SLC16A7: variants seen among roughly 807,000 people sequenced by gnomAD.
SLC16A7 encodes solute carrier family 16 member 7, also known as monocarboxylate transporter 2.
SLC16A7 carries 33 observed loss-of-function variants against 34.9 expected under a neutral mutation model. That is an observed-to-expected ratio of 0.94 (90% CI 0.72 to 1.26). The LOEUF (loss-of-function observed/expected upper bound fraction) is 1.26, where lower values mean the gene tolerates loss of function less well. SLC16A7 is among the 50% of genes most tolerant of loss of function. SLC16A7 has a pLI of 0.00. For missense variants in SLC16A7, 573 were observed against 578.1 expected (o/e 0.99, Z 0.09); for synonymous variants, 201 against 206.6 (o/e 0.97, Z 0.23).
At chr12:59,749,698 C>T (rs574096709) in intron 3 of SLC16A7, among the ~76,000 whole-genome samples, 51 of 152,226 alleles carry the variant, frequency 3.4e-4, no homozygotes, top group African/African-American at 1.2e-3. Flanking sequence ...AAGCTTGAAG[C>T]AATAAATTTC....
Position 59,661,727 on chromosome 12 carries a change from G to T in SLC16A7, c.-31+6477G>T, listed in dbSNP as rs529651769. On this transcript the variant is annotated intron_variant, in intron 2 of 5. Coordinates refer to ENST00000547379, the MANE Select transcript of SLC16A7 (RefSeq NM_001270623.2). ...GATGGTAGAATACTTGCATATTTGT[G>T]GTTAGGACCACCCTCCCCCAATTAG... 1.8e-4 allele frequency among the ~76,000 whole-genome samples: 28 copies of T among 152,120 alleles called. No homozygotes were observed. In the East Asian group the frequency reaches 5.4e-3, roughly 29 times the overall value.
At chr12:59,624,968 A>G (rs1301899591) in intron 1 of SLC16A7, among the ~76,000 whole-genome samples, 2 of 151,794 alleles carry the variant, frequency 1.3e-5, no homozygotes, top group East Asian at 3.9e-4. Flanking sequence ...AAATGTCCCA[A>G]GAGGATATCT....
chr12:59,667,766 G>A (rs983291984), intron 2 of SLC16A7, among the ~76,000 whole-genome samples: 1 of 152,210 alleles, frequency 6.6e-6, no homozygotes, highest in African/African-American at 2.4e-5. Flanking sequence ...CGTCTCCAGG[G>A]TATATCAGAG....
In SLC16A7 at chr12:59,784,544, T is replaced by C. The variant is rs1185471584; in HGVS notation, c.*4865T>C. 2 of 152,218 alleles carry C rather than the reference T, an allele frequency of 1.3e-5. No homozygotes were observed. The highest frequency in any genetic ancestry group is 2.9e-5 in the Non-Finnish European group (2 of 68,036). 9.4% of individuals were successfully genotyped at this position (152,218 alleles called of 1,614,324 possible). A position where few individuals can be genotyped will look rare whatever the true frequency, so the allele number is the denominator to read the frequency against. ...TTTCATCATTTAATACAACTTACCC[T>C]ACACCGTAGCTTATTTTTCAAGTTT... On this transcript the variant is annotated 3_prime_UTR_variant, in exon 6 of 6. Coordinates refer to ENST00000547379, the MANE Select transcript of SLC16A7 (RefSeq NM_001270623.2).
intron 3 of SLC16A7, among the ~76,000 whole-genome samples, chr12:59,739,607 A>G (rs1177911453): frequency 6.7e-6 from 1 of 149,576 alleles, no homozygotes; most frequent in African/African-American, 2.5e-5. Context: ...TAGATCCCTG[A>G]GGAATCGCCA....
chr12:59,665,251 G>A (rs1377992352), intron 2 of SLC16A7, among the ~76,000 whole-genome samples: 10 of 152,026 alleles, frequency 6.6e-5, no homozygotes, highest in South Asian at 4.2e-4. Context: ...TTAAAATAAT[G>A]TACATTATAT....
chr12:59,714,455 G>T (rs1874637290), intron 3 of SLC16A7, among the ~76,000 whole-genome samples: 1 of 152,166 alleles, frequency 6.6e-6, no homozygotes, highest in African/African-American at 2.4e-5. Flanking sequence ...GCTGGTTTCT[G>T]GTGGGGCCTC....
At chr12:59,620,537 T>A (rs540716131) in intron 1 of SLC16A7, among the ~76,000 whole-genome samples, 1 of 151,978 alleles carries the variant, frequency 6.6e-6, no homozygotes, top group Admixed American at 6.6e-5. Context: ...AGTTGATGAC[T>A]AAGGCCTTTC....
chr12:59,638,248 C>T (rs1162734123), intron 1 of SLC16A7, among the ~76,000 whole-genome samples: 1 of 152,022 alleles, frequency 6.6e-6, no homozygotes, highest in African/African-American at 2.4e-5. Flanking sequence ...TCTTTTCTCC[C>T]AGGAAGGGGC....
intron 3 of SLC16A7, among the ~76,000 whole-genome samples, chr12:59,713,045 A>G (rs1002643794): frequency 6.7e-6 from 1 of 150,066 alleles, no homozygotes; most frequent in Non-Finnish European, 1.5e-5. Context: ...TTTGAGATGT[A>G]GTCTCGCTCT....
At chr12:59,604,958 C>T (rs773803929) in intron 1 of SLC16A7, among the ~76,000 whole-genome samples, 2 of 152,074 alleles carry the variant, frequency 1.3e-5, no homozygotes, top group Non-Finnish European at 2.9e-5. Flanking sequence ...GCCATTCTCT[C>T]GCCTCAGCCT....
intron 3 of SLC16A7, among the ~76,000 whole-genome samples, chr12:59,747,180 C>T (rs1878984720): frequency 6.6e-6 from 1 of 152,054 alleles, no homozygotes; most frequent in Non-Finnish European, 1.5e-5. Context: ...ACTGGACATG[C>T]ATACATATAT....
intron 1 of SLC16A7, among the ~76,000 whole-genome samples, chr12:59,635,521 C>T (rs1880380101): frequency 6.6e-6 from 1 of 151,980 alleles, no homozygotes; most frequent in African/African-American, 2.4e-5. Flanking sequence ...ACTTGAACAC[C>T]ATTTCTTCCA....
At chr12:59,640,377 T>C (rs1171649991) in intron 1 of SLC16A7, among the ~76,000 whole-genome samples, 1 of 152,172 alleles carries the variant, frequency 6.6e-6, no homozygotes, top group Non-Finnish European at 1.5e-5. Context: ...TTGGTGAATG[T>C]CCCTGTTTTA....
chr12:59,653,515 T>A (rs748798978), intron 1 of SLC16A7, among the ~76,000 whole-genome samples: 2 of 151,636 alleles, frequency 1.3e-5, no homozygotes, highest in African/African-American at 4.8e-5. Context: ...TGTTATATTT[T>A]AAAAATATTT....
At chr12:59,648,059 C>T (rs1235691652) in intron 1 of SLC16A7, among the ~76,000 whole-genome samples, 1 of 151,848 alleles carries the variant, frequency 6.6e-6, no homozygotes, top group Non-Finnish European at 1.5e-5. Flanking sequence ...GTCTCAACAA[C>T]AACAAGAACA....
chr12:59,677,785 C>A (rs1421846938), intron 2 of SLC16A7, among the ~76,000 whole-genome samples: 1 of 152,228 alleles, frequency 6.6e-6, no homozygotes, highest in Non-Finnish European at 1.5e-5. Flanking sequence ...GAAAAATGTG[C>A]TGTGTGCTTT....
chr12:59,736,016 T>A, intron 3 of SLC16A7: 1 of 648,498 alleles, frequency 1.5e-6, no homozygotes, highest in Non-Finnish European at 2.3e-6. Flanking sequence ...GAAACATTAT[T>A]TTAATGTATG....
At chr12:59,686,095 CTTTTTTT>C (rs572779305) in intron 2 of SLC16A7, among the ~76,000 whole-genome samples, 6 of 93,520 alleles carry the variant, frequency 6.4e-5, no homozygotes, top group African/African-American at 1.7e-4. Context: ...AAGAACTTTT[CTTTTTTT>C]TTTTTTTTTT....
Sources: allele counts gnomAD v4.1 joint callset (sites outside exome capture counted in the v4.1 genomes callset), GRCh38; gene constraint gnomAD v4.1.1; transcripts MANE v1.5; gene names NCBI Gene and HGNC (gene_info 2026-07-23, HGNC 2026-07-21).